Variants in OPCML observed in about 807,000 individuals in gnomAD.
OPCML encodes opioid-binding protein/cell adhesion molecule.
A neutral mutation model predicts 37.8 loss-of-function variants in OPCML; 13 were observed. The ratio of observed to expected loss-of-function variants is 0.34; its 90% CI spans 0.22 to 0.55. The LOEUF (loss-of-function observed/expected upper bound fraction) is 0.55, where lower values mean the gene tolerates loss of function less well. Ranked by LOEUF, OPCML falls within the 20% of genes least tolerant of loss-of-function variation. The pLI, the probability that OPCML is intolerant of heterozygous loss-of-function variation, is 0.91. For synonymous variants in OPCML, 176 were observed against 168.8 expected (o/e 1.04, Z -0.33); for missense variants, 341 against 435.6 (o/e 0.78, Z 1.93).
chr11:133,146,505 G>T (rs1949899441), intron 1 of OPCML, among the ~76,000 whole-genome samples: 1 of 152,060 alleles, frequency 6.6e-6, no homozygotes, highest in Admixed American at 6.5e-5. Context: ...AGTAGAGGCG[G>T]AGTTTCACTA....
At chr11:132,946,282 C>T (rs1945743734) in intron 1 of OPCML, among the ~76,000 whole-genome samples, 1 of 152,314 alleles carries the variant, frequency 6.6e-6, no homozygotes, top group Admixed American at 6.5e-5. Flanking sequence ...CCTGAAGGAC[C>T]TGCCTGTGGC....
chr11:133,185,714 G>T (rs1038590574), intron 1 of OPCML, among the ~76,000 whole-genome samples: 1 of 152,044 alleles, frequency 6.6e-6, no homozygotes. Flanking sequence ...AAAAACAACC[G>T]CTCATCGTTG....
intron 1 of OPCML, among the ~76,000 whole-genome samples, chr11:133,219,808 G>T (rs538854326): frequency 6.6e-6 from 1 of 152,014 alleles, no homozygotes; most frequent in South Asian, 2.1e-4. Context: ...TGGGGAGGGG[G>T]GTGCTACAGA....
intron 4 of OPCML, among the ~76,000 whole-genome samples, chr11:132,528,479 T>C (rs2096314670): frequency 1.3e-5 from 2 of 152,200 alleles, no homozygotes; most frequent in South Asian, 4.1e-4. Context: ...CTGGTTCCCT[T>C]GCTATTAAGT....
Position 133,289,161 on chromosome 11 carries a change from AG to A in OPCML, c.61+243102del, listed in dbSNP as rs1462181555. Among the ~76,000 whole-genome samples, 4 of 152,214 alleles carry A rather than the reference AG, an allele frequency of 2.6e-5. No individual in the cohort carries two copies. The East Asian group carries it at 7.7e-4, about 29-fold the overall frequency. ...ATGAGAGTATTGCAAATAATGGATT[AG>A]GTTGATACCATTTGTTTGTTAATTT... On this transcript the variant is annotated intron_variant, in intron 1 of 7. Coordinates refer to ENST00000524381, the MANE Select transcript of OPCML (RefSeq NM_001012393.5).
At chr11:133,240,321 T>C (rs768579460) in intron 1 of OPCML, among the ~76,000 whole-genome samples, 4 of 151,594 alleles carry the variant, frequency 2.6e-5, no homozygotes, top group African/African-American at 7.3e-5. Flanking sequence ...GTCCCTCAAC[T>C]ATGCTTAATT....
intron 2 of OPCML, among the ~76,000 whole-genome samples, chr11:132,934,654 T>C (rs1270104125): frequency 6.6e-6 from 1 of 152,226 alleles, no homozygotes; most frequent in Admixed American, 6.5e-5. Context: ...AGGTACACAC[T>C]GTCCCCTTCT....
chr11:133,296,482 A>G (rs1224411159), intron 1 of OPCML, among the ~76,000 whole-genome samples: 1 of 152,216 alleles, frequency 6.6e-6, no homozygotes, highest in African/African-American at 2.4e-5. Context: ...GTGATAGAAC[A>G]GTTTTGCAGT....
chr11:132,949,012 A>T (rs906313232), intron 1 of OPCML, among the ~76,000 whole-genome samples: 1 of 152,246 alleles, frequency 6.6e-6, no homozygotes, highest in Non-Finnish European at 1.5e-5. Context: ...AAGCTTGAGA[A>T]TAGGAATCCT....
chr11:132,739,472 G>A (rs566518387), intron 2 of OPCML, among the ~76,000 whole-genome samples: 3 of 152,312 alleles, frequency 2.0e-5, no homozygotes, highest in South Asian at 2.1e-4. Flanking sequence ...CAGCTGTGAT[G>A]TCTGAAAAAG....
chr11:132,769,645 G>A (rs1397218004), intron 2 of OPCML, among the ~76,000 whole-genome samples: 2 of 152,160 alleles, frequency 1.3e-5, no homozygotes, highest in African/African-American at 4.8e-5. Flanking sequence ...ACCAAGGAAT[G>A]TAAATCCTCA....
intron 2 of OPCML, among the ~76,000 whole-genome samples, chr11:132,787,583 A>T (rs922502993): frequency 2.0e-5 from 3 of 152,162 alleles, no homozygotes; most frequent in Admixed American, 2.0e-4. Flanking sequence ...AGTACTTTGA[A>T]TATTACAAGC....
intron 1 of OPCML, among the ~76,000 whole-genome samples, chr11:133,175,653 C>T (rs923668925): frequency 4.3e-5 from 6 of 138,526 alleles, no homozygotes; most frequent in African/African-American, 8.4e-5. Flanking sequence ...CTGTAATTCA[C>T]TGACTTTTTT....
At chr11:133,285,303 TC>T in intron 1 of OPCML, among the ~76,000 whole-genome samples, 1 of 152,240 alleles carries the variant, frequency 6.6e-6, no homozygotes, top group South Asian at 2.1e-4. Context: ...TTATCTGACT[TC>T]CCCTACCACA....
At chr11:133,228,638 G>A (rs906055059) in intron 1 of OPCML, among the ~76,000 whole-genome samples, 3 of 152,346 alleles carry the variant, frequency 2.0e-5, no homozygotes, top group East Asian at 3.9e-4. Context: ...ACCTGCCCCC[G>A]CTTGGGCTGC....
At chr11:133,009,925 A>G (rs1240666857) in intron 1 of OPCML, among the ~76,000 whole-genome samples, 1 of 152,202 alleles carries the variant, frequency 6.6e-6, no homozygotes, top group Non-Finnish European at 1.5e-5. Flanking sequence ...TCTAGATGCC[A>G]TTAGAAAGCA....
chr11:132,575,756 A>T lies in OPCML; in HGVS notation c.380-46570T>A, dbSNP rs1311445435. ...ATTTTCATGTGCTGTTTTGTATTGT[A>T]TTGTATTGCTATTTAGTGTCCTTTT... On this transcript the variant is annotated intron_variant, in intron 3 of 7. Coordinates refer to ENST00000524381, the MANE Select transcript of OPCML (RefSeq NM_001012393.5). 2.6e-5 allele frequency among the ~76,000 whole-genome samples: 4 copies of T among 152,034 alleles called. No homozygotes were observed. The East Asian group carries it at 7.7e-4, about 29-fold the overall frequency.
intron 2 of OPCML, among the ~76,000 whole-genome samples, chr11:132,935,617 C>T (rs933326272): frequency 6.6e-6 from 1 of 152,198 alleles, no homozygotes; most frequent in East Asian, 1.9e-4. Context: ...AGACCTTCAG[C>T]ATCTCTTTGA....
chr11:132,448,404 C>A (rs1438743569), intron 4 of OPCML, among the ~76,000 whole-genome samples: 1 of 152,192 alleles, frequency 6.6e-6, no homozygotes, highest in African/African-American at 2.4e-5. Flanking sequence ...CAGAGACATC[C>A]TGCACACTTC....
Sources: gnomAD v4.1 joint callset for allele counts (sites outside exome capture counted in the v4.1 genomes callset) on GRCh38, gnomAD v4.1.1 for gene constraint, MANE v1.5 for transcripts, NCBI Gene and HGNC (gene_info 2026-07-23, HGNC 2026-07-21) for gene names.